Variants in RTTN observed in about 807,000 individuals in gnomAD.
The protein encoded by RTTN is rotatin.
RTTN carries 182 observed loss-of-function variants against 269.2 expected under a neutral mutation model. That is an observed-to-expected ratio of 0.68 (90% CI 0.60 to 0.76). The LOEUF (loss-of-function observed/expected upper bound fraction) is 0.76. Among genes scored for constraint, RTTN ranks in the 30% least tolerant of loss-of-function variants. The pLI is 0.00. For missense variants in RTTN, 2,545 were observed against 2,608.6 expected, an observed-to-expected ratio of 0.98 and a Z score of 0.53; for synonymous variants, 1,006 against 963.5, an observed-to-expected ratio of 1.04 and a Z score of -0.82.
rs773765990 is a variant in RTTN at position 70,017,501 on chromosome 18, G to C, written c.6327C>G (p.Ser2109Arg). ...AAGGGCTGCTCTTGTGCTTGTATTTGCTCATCTCTGTTAGTAAGTCTAGAC... is the reference window on the plus strand; with the variant it reads ...AAGGGCTGCTCTTGTGCTTGTATTTCCTCATCTCTGTTAGTAAGTCTAGAC... ...DGCLDLLTEM[S>R]KYKHKSSPLL... is the part of the protein sequence containing the mutation. Residue 2109 changes from serine to arginine, a missense_variant, in exon 46 of 49, where the codon AGC (serine) becomes AGG (arginine). Ser to Arg is a moderately radical substitution (Grantham distance 110). Coordinates refer to ENST00000640769, the MANE Select transcript of RTTN (RefSeq NM_173630.4). 1.2e-6 allele frequency: 2 copies of C among 1,613,850 alleles called. No individual in the cohort carries two copies. The highest frequency in any genetic ancestry group is 1.7e-6 in the Non-Finnish European group (2 of 1,179,924).
chr18:70,065,978 C>T (rs749230293), intron 34 of RTTN, 56 bp from the exon 35 acceptor site: 1 of 1,220,638 alleles, frequency 8.2e-7, no homozygotes, highest in Admixed American at 2.1e-5. Flanking sequence ...AAATGAAACA[C>T]AGGCAACATA....
At chr18:70,186,332 C>T (rs1187641312) in intron 10 of RTTN, among the ~76,000 whole-genome samples, 1 of 152,218 alleles carries the variant, frequency 6.6e-6, no homozygotes, top group African/African-American at 2.4e-5. Context: ...ATTACAAGTT[C>T]CATGCCATTT....
intron 23 of RTTN, among the ~76,000 whole-genome samples, chr18:70,132,083 G>A (rs2060012543): frequency 6.6e-6 from 1 of 152,046 alleles, no homozygotes; most frequent in South Asian, 2.1e-4. Flanking sequence ...ATATGATGAA[G>A]CACTGCTAGA....
intron 14 of RTTN, among the ~76,000 whole-genome samples, chr18:70,154,530 G>C (rs2060623286): frequency 6.6e-6 from 1 of 152,056 alleles, no homozygotes; most frequent in African/African-American, 2.4e-5. Context: ...ATACTCACCT[G>C]CCCTATAACT....
At chr18:70,040,758 G>A (rs577400272) in intron 40 of RTTN, among the ~76,000 whole-genome samples, 2 of 152,110 alleles carry the variant, frequency 1.3e-5, no homozygotes, top group Non-Finnish European at 2.9e-5. Context: ...TCAAGAAATT[G>A]AAATAATATC....
chr18:70,142,762 T>G (rs2060289734), intron 18 of RTTN, among the ~76,000 whole-genome samples: 2 of 152,316 alleles, frequency 1.3e-5, no homozygotes, highest in South Asian at 4.1e-4. Flanking sequence ...GGTGGGCAGA[T>G]CATCTGAGGT....
chr18:70,028,781 C>T lies in RTTN; in HGVS notation c.5766G>A (p.Glu1922=). ...TTAGGAGCTGCATGGCAATGCTTAA[C>T]TCTTTAATAACACCATCCTCCTATT... ...LKKKEDGVIK[E]LSIAMQLLRN... Residue 1922 remains glutamate (E), a synonymous_variant, in exon 43 of 49, where the codon GAG becomes GAA. Coordinates refer to ENST00000640769, the MANE Select transcript of RTTN (RefSeq NM_173630.4). The T allele has an allele frequency of 2.5e-6, 4 of 1,611,518 alleles. No homozygotes were observed. Among genetic ancestry groups the T allele is most frequent in the Non-Finnish European group, 2.5e-6 (3 of 1,178,154 alleles).
chr18:70,044,447 T>C lies in RTTN; in HGVS notation c.5541+3524A>G, dbSNP rs564084303. ...TATATGTATTTGCAAATAAAACATA[T>C]TGAGCACAGTAGGCCCCTTTATCCT... On this transcript the variant is annotated intron_variant, in intron 40 of 48. Transcript: ENST00000640769. Among the ~76,000 whole-genome samples, 5 of 152,164 alleles carry C rather than the reference T, an allele frequency of 3.3e-5. No individual in the cohort carries two copies. The South Asian group carries it at 1.0e-3, about 31-fold the overall frequency.
intron 40 of RTTN, among the ~76,000 whole-genome samples, chr18:70,044,493 C>T (rs755436982): frequency 6.6e-6 from 1 of 152,022 alleles, no homozygotes; most frequent in Non-Finnish European, 1.5e-5. Flanking sequence ...ATTCCAACAC[C>T]CCCAGTGGAT....
intron 28 of RTTN, among the ~76,000 whole-genome samples, chr18:70,101,023 T>C (rs749032111): frequency 1.3e-5 from 2 of 152,180 alleles, no homozygotes; most frequent in Admixed American, 1.3e-4. Context: ...ATCAGGGATA[T>C]GGTCTAAAAT....
intron 34 of RTTN, among the ~76,000 whole-genome samples, chr18:70,067,499 C>T (rs1329347244): frequency 6.6e-6 from 1 of 152,096 alleles, no homozygotes; most frequent in Non-Finnish European, 1.5e-5. Flanking sequence ...TACAATTTGG[C>T]AATGAGAGAT....
In RTTN at chr18:70,054,286, T is replaced by C. The variant is rs1043139361; in HGVS notation, c.5032-2A>G. 1 of 1,606,244 alleles carries C rather than the reference T, an allele frequency of 6.2e-7. No homozygotes were observed. Among genetic ancestry groups the C allele is most frequent in the Non-Finnish European group, 8.5e-7 (1 of 1,176,198 alleles). On this transcript the variant is annotated splice_acceptor_variant, in intron 37 of 48. Transcript: ENST00000640769. LOFTEE classifies it high-confidence loss of function. ...TAGGTATTCCAGGAGAAAGGAAACC[T>C]GTTTGAAAAGGAGACAGGGTCAAAT...
At chr18:70,073,191 G>A in intron 34 of RTTN, among the ~76,000 whole-genome samples, 1 of 152,018 alleles carries the variant, frequency 6.6e-6, no homozygotes, top group East Asian at 1.9e-4. Context: ...TTTCCCAGTT[G>A]AGAATAAATG....
In RTTN at chr18:70,024,722, C is replaced by T; in HGVS notation, c.5950G>A (p.Gly1984Ser). 1 of 1,612,340 alleles carries T rather than the reference C, an allele frequency of 6.2e-7. No individual in the cohort carries two copies. Among genetic ancestry groups the T allele is most frequent in the Non-Finnish European group, 8.5e-7 (1 of 1,178,736 alleles). The change falls in exon 44 of 49, where the codon GGT (glycine) becomes AGT (serine). Residue 1984 changes from glycine (G) to serine (S), a missense_variant and splice_region_variant. Physicochemically the swap from Gly to Ser is moderately conservative, Grantham distance 56 (BLOSUM62 0). Transcript: ENST00000640769. ...LCVYTANFPNGCSSLCWSSCG... is the reference protein window; with the variant it reads ...LCVYTANFPNSCSSLCWSSCG... ...GAAAGGCAGTATTGGATCCTATTAC[C>T]ATTTGGAAAATTTGCAGTATAGACA...
intron 21 of RTTN, 75 bp downstream of exon 21, chr18:70,139,524 T>C (rs1244893891): frequency 1.1e-6 from 1 of 882,620 alleles, no homozygotes; most frequent in Non-Finnish European, 1.8e-6. Flanking sequence ...AAAAAGTAAA[T>C]GTGACTTACA....
At chr18:70,157,203 G>T (rs150420388) in intron 14 of RTTN, among the ~76,000 whole-genome samples, 1 of 152,060 alleles carries the variant, frequency 6.6e-6, no homozygotes, top group African/African-American at 2.4e-5. Flanking sequence ...CACTTTCTCG[G>T]GCAGTCACCA....
chr18:70,113,024 C>T (rs765585552), intron 27 of RTTN, among the ~76,000 whole-genome samples: 68 of 152,210 alleles, frequency 4.5e-4, no homozygotes, highest in Middle Eastern at 6.8e-3. Context: ...CACTCCAAAC[C>T]GCACAACTAT....
Position 70,157,775 on chromosome 18 carries a change from C to T in RTTN, c.1930-7042G>A, listed in dbSNP as rs2060720577. On this transcript the variant is annotated intron_variant, in intron 14 of 48. Coordinates refer to ENST00000640769, the MANE Select transcript of RTTN (RefSeq NM_173630.4). ...CATTTTAAGTAAGAACAAAACTGAA[C>T]TTCTGGAAACAAAAATTTCATGATA... Among the ~76,000 whole-genome samples the T allele has an allele frequency of 3.3e-5, 5 of 151,978 alleles. No individual in the cohort carries two copies. In the South Asian group the frequency reaches 1.0e-3, roughly 32 times the overall value.
chr18:70,205,302 G>C lies in RTTN; in HGVS notation c.45C>G (p.Ala15=). ...TCTTGAGAGCGCGCTCCCTGATCTC[G>C]GCCAGCTGATGACCTGTCAACGAAC... The part of the protein sequence containing the change: ...GLIRKLGHQL[A]EIRERALKSI... Residue 15 remains alanine (A), a synonymous_variant, in exon 2 of 49, where the codon GCC becomes GCG. Transcript: ENST00000640769. 1.2e-6 allele frequency: 2 copies of C among 1,614,122 alleles called. No homozygotes were observed. Among genetic ancestry groups the C allele is most frequent in the Non-Finnish European group, 1.7e-6 (2 of 1,180,016 alleles).
Sources: gnomAD v4.1 joint callset for allele counts (sites outside exome capture counted in the v4.1 genomes callset) on GRCh38, gnomAD v4.1.1 for gene constraint, MANE v1.5 for transcripts, NCBI Gene and HGNC (gene_info 2026-07-23, HGNC 2026-07-21) for gene names.